Variants in CCDC146 observed in about 807,000 individuals in gnomAD.
CCDC146 encodes coiled-coil domain containing 146, also known as coiled-coil domain-containing protein 146.
A neutral mutation model predicts 119.3 loss-of-function variants in CCDC146; 92 were observed. That is an observed-to-expected ratio of 0.77 (90% confidence interval 0.65 to 0.92). The LOEUF (loss-of-function observed/expected upper bound fraction) is 0.92. Ranked by LOEUF, CCDC146 falls within the 40% of genes least tolerant of loss-of-function variation. The pLI is 0.00. For missense variants in CCDC146, 1,000 were observed against 1,103.0 expected (o/e 0.91, Z 1.32); for synonymous variants, 372 against 371.8 (o/e 1.00, Z -0.01).
At position 77,196,835 on chromosome 7, in the gene CCDC146, T is replaced by TTA; in HGVS notation, c.156+29011_156+29012insTA. ...GTTGGTGCTCCCATCGAGACGTGCC[T>TTA]GCAGCACTGTCCAGCCTCCCCCCAT... On this transcript the variant is annotated intron_variant, in intron 2 of 18. Coordinates refer to ENST00000285871, the MANE Select transcript of CCDC146 (RefSeq NM_020879.3). This position sits in a 1 kb window ranked among gnomAD's most constrained non-coding sequence, Gnocchi z 4.2. 1 of 1,613,924 alleles carries TTA rather than the reference T, an allele frequency of 6.2e-7. No homozygotes were observed. The highest frequency in any genetic ancestry group is 8.5e-7 in the Non-Finnish European group (1 of 1,179,970).
chr7:77,263,038 C>A (rs1793331588), intron 9 of CCDC146, among the ~76,000 whole-genome samples: 1 of 152,180 alleles, frequency 6.6e-6, no homozygotes, highest in South Asian at 2.1e-4. Flanking sequence ...AGAAACCTTC[C>A]CCGTTCTCTT....
intron 4 of CCDC146, among the ~76,000 whole-genome samples, chr7:77,248,382 T>C (rs1465571637): frequency 6.6e-6 from 1 of 152,210 alleles, no homozygotes. Flanking sequence ...CACTGCAATA[T>C]ATCCATGTAA....
rs142509143 is a variant in CCDC146 at position 77,213,095 on chromosome 7, G to T, written c.157-23852G>T. On this transcript the variant is annotated intron_variant, in intron 2 of 18. Transcript: ENST00000285871. ...ACATAGTGATGGCTTTTTGTGTGGTGGTGGTGGTGGTTTGAGGCAAGATCT... is the reference window on the plus strand; with the variant it reads ...ACATAGTGATGGCTTTTTGTGTGGTTGTGGTGGTGGTTTGAGGCAAGATCT... 1.5e-3 allele frequency among the ~76,000 whole-genome samples: 221 copies of T among 151,480 alleles called. 8 individuals are homozygous for T. The East Asian group carries it at 0.031, about 21-fold the overall frequency.
chr7:77,216,341 T>C (rs1792301763), intron 2 of CCDC146, among the ~76,000 whole-genome samples: 1 of 152,104 alleles, frequency 6.6e-6, no homozygotes, highest in Admixed American at 6.6e-5. Context: ...CTGGACTACC[T>C]AAAGTTTTCT....
intron 2 of CCDC146, chr7:77,198,037 G>A (rs1028074595): frequency 2.8e-6 from 2 of 722,338 alleles, no homozygotes; most frequent in African/African-American, 3.8e-5. Context: ...CACCCAAAAT[G>A]TTTAGGAGAA....
intron 15 of CCDC146, 105 bp downstream of exon 15, chr7:77,282,890 G>T: frequency 4.2e-6 from 3 of 719,136 alleles, no homozygotes; most frequent in Non-Finnish European, 2.4e-6. Context: ...ACTATTTCTG[G>T]GACCTATAAG....
chr7:77,227,729 C>T (rs1486991733), intron 2 of CCDC146, among the ~76,000 whole-genome samples: 1 of 152,212 alleles, frequency 6.6e-6, no homozygotes, highest in Non-Finnish European at 1.5e-5. Context: ...AATTCTAATT[C>T]TCTCTAAATT....
intron 11 of CCDC146, among the ~76,000 whole-genome samples, chr7:77,276,024 T>C (rs1793628052): frequency 6.6e-6 from 1 of 151,750 alleles, no homozygotes; most frequent in South Asian, 2.1e-4. Flanking sequence ...CTGACCAACA[T>C]GGTGAAACCC....
chr7:77,275,749 TC>T (rs1183375936), intron 11 of CCDC146, among the ~76,000 whole-genome samples: 2 of 151,786 alleles, frequency 1.3e-5, no homozygotes, highest in South Asian at 2.1e-4. Flanking sequence ...AGTGCAACAT[TC>T]CCCCCTAAAA....
intron 2 of CCDC146, among the ~76,000 whole-genome samples, chr7:77,221,067 G>C (rs1302731293): frequency 6.6e-6 from 1 of 152,104 alleles, no homozygotes; most frequent in Non-Finnish European, 1.5e-5. Flanking sequence ...AGAGAGGAGA[G>C]GGAGGTGCTA....
At chr7:77,245,104 TTTAATG>T (rs1435589504) in intron 4 of CCDC146, among the ~76,000 whole-genome samples, 1 of 152,250 alleles carries the variant, frequency 6.6e-6, no homozygotes, top group African/African-American at 2.4e-5. Context: ...ACATAAATCT[TTTAATG>T]TTAATAAATC....
At chr7:77,214,045 T>C (rs1329684353) in intron 2 of CCDC146, among the ~76,000 whole-genome samples, 1 of 152,204 alleles carries the variant, frequency 6.6e-6, no homozygotes, top group African/African-American at 2.4e-5. Context: ...TTCCATGCTG[T>C]TTTCCACAGG....
chr7:77,256,485 G>A lies in CCDC146; in HGVS notation c.660G>A (p.Leu220=), dbSNP rs868497011. 15 of 1,605,388 alleles carry A rather than the reference G, an allele frequency of 9.3e-6. No individual in the cohort carries two copies. In the South Asian group the frequency reaches 1.4e-4, roughly 15 times the overall value. ...AAGAGCAGAAGGAACTAGAAGAATT[G>A]TTGGGACATCAGGTCGTCCTAAAGG... ...LLKEQKELEE[L]LGHQVVLKDE... The change falls in exon 6 of 19, where the codon TTG becomes TTA. Residue 220 remains leucine, a synonymous_variant. Transcript: ENST00000285871.
chr7:77,290,548 C>T (rs990054723), intron 17 of CCDC146, among the ~76,000 whole-genome samples: 4 of 152,174 alleles, frequency 2.6e-5, no homozygotes, highest in Admixed American at 2.6e-4. Context: ...TAAGTCTTAG[C>T]ATTTCTTATT....
chr7:77,199,959 G>A (rs1262935459), intron 2 of CCDC146: 12 of 693,012 alleles, frequency 1.7e-5, no homozygotes, highest in Non-Finnish European at 2.8e-5. Context: ...ATCAAACGCA[G>A]TTTGCCAAAA....
At chr7:77,207,075 A>G (rs1027155930) in intron 2 of CCDC146, among the ~76,000 whole-genome samples, 3 of 152,192 alleles carry the variant, frequency 2.0e-5, no homozygotes, top group South Asian at 2.1e-4. Flanking sequence ...TTGAAAGGCC[A>G]TTTCCACTGT....
chr7:77,166,649 T>C (rs1791341510), intron 1 of CCDC146, among the ~76,000 whole-genome samples: 1 of 152,122 alleles, frequency 6.6e-6, no homozygotes. Context: ...TACTATTCAC[T>C]TAGTTTTTGT....
intron 14 of CCDC146, 110 bp downstream of exon 14, chr7:77,280,763 G>A: frequency 2.7e-6 from 2 of 748,474 alleles, no homozygotes; most frequent in South Asian, 1.9e-5. Context: ...TATTCAGGTT[G>A]CATTAGCCTT....
At chr7:77,225,503 A>G (rs1382941593) in intron 2 of CCDC146, among the ~76,000 whole-genome samples, 1 of 151,812 alleles carries the variant, frequency 6.6e-6, no homozygotes, top group Admixed American at 6.6e-5. Flanking sequence ...GCAGTGAGTT[A>G]TGATTACACC....
Sources: allele counts gnomAD v4.1 joint callset (sites outside exome capture counted in the v4.1 genomes callset), GRCh38; gene constraint gnomAD v4.1.1; non-coding constraint Gnocchi (gnomAD v3.1); transcripts MANE v1.5; gene names NCBI Gene and HGNC (gene_info 2026-07-23, HGNC 2026-07-21).